NEDD4L: variants seen among roughly 807,000 people sequenced by gnomAD.
NEDD4L encodes the protein E3 ubiquitin-protein ligase NEDD4-like.
Under a neutral mutation model 148.9 loss-of-function variants are expected in NEDD4L, and 54 were observed. That is an observed-to-expected ratio of 0.36 (90% confidence interval 0.29 to 0.45). NEDD4L has a LOEUF of 0.45. NEDD4L is among the 20% of genes least tolerant of loss of function. The pLI, the probability that NEDD4L is intolerant of heterozygous loss-of-function variation, is 1.00. For missense variants in NEDD4L, 856 were observed against 1,233.8 expected, an observed-to-expected ratio of 0.69 and a Z score of 4.59; for synonymous variants, 433 against 440.7, an observed-to-expected ratio of 0.98 and a Z score of 0.22.
intron 1 of NEDD4L, among the ~76,000 whole-genome samples, chr18:58,163,690 A>T (rs2036504045): frequency 6.6e-6 from 1 of 152,192 alleles, no homozygotes; most frequent in Non-Finnish European, 1.5e-5. Flanking sequence ...TCTTTACCGT[A>T]TTATGAGGAC....
chr18:58,362,098 G>A (rs565733274), intron 19 of NEDD4L, among the ~76,000 whole-genome samples: 19 of 152,350 alleles, frequency 1.2e-4, no homozygotes, highest in African/African-American at 4.1e-4. Context: ...GAAGGAGAAA[G>A]GCTTGAAATA....
chr18:58,247,870 G>A (rs2047460286), intron 3 of NEDD4L, among the ~76,000 whole-genome samples: 1 of 152,224 alleles, frequency 6.6e-6, no homozygotes, highest in African/African-American at 2.4e-5. Flanking sequence ...TGGGAGAAAA[G>A]TATGAACCCC....
intron 12 of NEDD4L, among the ~76,000 whole-genome samples, chr18:58,334,295 C>A (rs772899101): frequency 3.3e-5 from 5 of 152,196 alleles, no homozygotes; most frequent in Non-Finnish European, 7.3e-5. Context: ...TGTTCCTTTC[C>A]CTTCCTAATG....
chr18:58,177,055 T>C (rs1418878416), intron 2 of NEDD4L, among the ~76,000 whole-genome samples: 2 of 151,844 alleles, frequency 1.3e-5, no homozygotes, highest in African/African-American at 4.9e-5. Context: ...CTAGGGCTGG[T>C]GAAGTTTGGA....
intron 5 of NEDD4L, among the ~76,000 whole-genome samples, chr18:58,294,710 G>A (rs1431918546): frequency 6.6e-6 from 1 of 151,560 alleles, no homozygotes; most frequent in African/African-American, 2.4e-5. Flanking sequence ...GTAGAGACAG[G>A]GGTCTTGCTA....
At chr18:58,108,247 G>A (rs1568226601) in intron 1 of NEDD4L, among the ~76,000 whole-genome samples, 2 of 152,270 alleles carry the variant, frequency 1.3e-5, no homozygotes, top group East Asian at 1.9e-4. Flanking sequence ...TACTAGGCAC[G>A]AAATCACAGT....
At chr18:58,348,329 T>TC (rs2043386416) in intron 16 of NEDD4L, among the ~76,000 whole-genome samples, 1 of 60,892 alleles carries the variant, frequency 1.6e-5, no homozygotes, top group Non-Finnish European at 3.3e-5. Flanking sequence ...TTTTTTTCTT[T>TC]TTTTTTTTTT....
At chr18:58,135,051 G>A (rs1260255061) in intron 1 of NEDD4L, among the ~76,000 whole-genome samples, 2 of 145,746 alleles carry the variant, frequency 1.4e-5, no homozygotes, top group African/African-American at 5.1e-5. Context: ...CTCAAATCAA[G>A]GGTTTCACAT....
chr18:58,104,483 A>T (rs1319207087), intron 1 of NEDD4L, among the ~76,000 whole-genome samples: 6 of 152,216 alleles, frequency 3.9e-5, no homozygotes, highest in Non-Finnish European at 7.3e-5. Context: ...TAAAATGGTG[A>T]TGTTATATGA....
intron 1 of NEDD4L, among the ~76,000 whole-genome samples, chr18:58,164,711 C>G (rs503073): frequency 0.027 from 4,096 of 152,286 alleles, 179 homozygotes; most frequent in African/African-American, 0.092. Flanking sequence ...CCTCGTGATC[C>G]GCCTGCCTCG....
chr18:58,341,581 A>G, intron 14 of NEDD4L, 97 bp from the exon 15 acceptor site: 1 of 1,337,522 alleles, frequency 7.5e-7, no homozygotes, highest in Non-Finnish European at 1.0e-6. Context: ...CAGACCTCTT[A>G]TTATTGCTGT....
intron 5 of NEDD4L, among the ~76,000 whole-genome samples, chr18:58,298,254 T>C (rs2055956770): frequency 1.3e-5 from 2 of 152,184 alleles, no homozygotes; most frequent in South Asian, 4.1e-4. Context: ...GAAAAAATAA[T>C]TTTTTTCTGT....
intron 1 of NEDD4L, among the ~76,000 whole-genome samples, chr18:58,073,937 A>C (rs191313843): frequency 6.6e-6 from 1 of 152,236 alleles, no homozygotes; most frequent in East Asian, 1.9e-4. Context: ...AAAGCGGTGC[A>C]TTAAGCTGAA....
chr18:58,113,569 C>T (rs1475589780), intron 1 of NEDD4L, among the ~76,000 whole-genome samples: 1 of 152,080 alleles, frequency 6.6e-6, no homozygotes, highest in Non-Finnish European at 1.5e-5. Flanking sequence ...GTTTCCCAGG[C>T]AGGGACACTC....
At chr18:58,104,583 C>T (rs1209018132) in intron 1 of NEDD4L, among the ~76,000 whole-genome samples, 4 of 152,158 alleles carry the variant, frequency 2.6e-5, no homozygotes, top group African/African-American at 9.7e-5. Flanking sequence ...AAGATAAGCA[C>T]TTTTAAATAT....
chr18:58,237,264 G>C (rs1298802411), intron 2 of NEDD4L, among the ~76,000 whole-genome samples: 1 of 152,078 alleles, frequency 6.6e-6, no homozygotes, highest in Non-Finnish European at 1.5e-5. Context: ...GTGTATGGTG[G>C]ATGCTCCTTG....
chr18:58,351,586 A>G (rs999726960), intron 18 of NEDD4L, among the ~76,000 whole-genome samples: 1 of 152,194 alleles, frequency 6.6e-6, no homozygotes, highest in African/African-American at 2.4e-5. Context: ...TCCAGCACCT[A>G]TGAAAAAATG....
intron 5 of NEDD4L, among the ~76,000 whole-genome samples, chr18:58,298,474 AC>A (rs1452610053): frequency 1.3e-5 from 2 of 152,160 alleles, no homozygotes; most frequent in African/African-American, 4.8e-5. Flanking sequence ...ACTTTTTGAA[AC>A]CACACTTTTC....
intron 5 of NEDD4L, among the ~76,000 whole-genome samples, chr18:58,309,837 C>G (rs2057479029): frequency 6.6e-6 from 1 of 152,092 alleles, no homozygotes; most frequent in Non-Finnish European, 1.5e-5. Flanking sequence ...ATCAGGTACA[C>G]CTCATCCCCT....
Sources: allele counts gnomAD v4.1 joint callset (sites outside exome capture counted in the v4.1 genomes callset), GRCh38; gene constraint gnomAD v4.1.1; transcripts MANE v1.5; gene names NCBI Gene and HGNC (gene_info 2026-07-23, HGNC 2026-07-21).